RP1L1: variants seen among roughly 807,000 people sequenced by gnomAD.
RP1L1 encodes the protein retinitis pigmentosa 1-like 1 protein.
A neutral mutation model predicts 15.7 loss-of-function variants in RP1L1; 27 were observed. That is an observed-to-expected ratio of 1.72 (90% confidence interval 1.27 to 2.38). The LOEUF (loss-of-function observed/expected upper bound fraction) is 2.38, where lower values mean the gene tolerates loss of function less well. Among genes scored for constraint, RP1L1 ranks in the 30% most tolerant of loss-of-function variants. RP1L1 has a pLI of 0.00. For synonymous variants in RP1L1, 1,813 were observed against 1,276.7 expected, an observed-to-expected ratio of 1.42 and a Z score of -8.96; for missense variants, 4,798 against 3,075.9, an observed-to-expected ratio of 1.56 and a Z score of -13.24.
intron 3 of RP1L1, among the ~76,000 whole-genome samples, chr8:10,614,986 C>G (rs893805899): frequency 2.6e-5 from 4 of 152,228 alleles, no homozygotes; most frequent in African/African-American, 9.6e-5. Context: ...AAGGGTAGGG[C>G]TAGCAGAGGC....
At chr8:10,641,324 A>C (rs1050912870) in intron 1 of RP1L1, among the ~76,000 whole-genome samples, 2 of 152,210 alleles carry the variant, frequency 1.3e-5, no homozygotes, top group Non-Finnish European at 1.5e-5. Context: ...TCCTGGAGTC[A>C]CCATCTACAA....
chr8:10,613,038 C>A lies in RP1L1; in HGVS notation c.1060G>T (p.Gly354Trp). ...ACCTCCCCCAGAACGGGGTCTTCCC[C>A]ACTGGCTGCCGTGAGGGCGCTGGCC... The part of the protein sequence containing the change: ...GRASALTAAS[G>W]EDPVLGEVDP... Residue 354 changes from glycine to tryptophan, a missense_variant, in exon 4 of 4, where the codon GGG becomes TGG. Coordinates refer to ENST00000382483, the MANE Select transcript of RP1L1 (RefSeq NM_178857.6). 6.2e-7 allele frequency: 1 copy of A among 1,613,576 alleles called. No homozygotes were observed. The highest frequency in any genetic ancestry group is 8.5e-7 in the Non-Finnish European group (1 of 1,180,012).
intron 2 of RP1L1, among the ~76,000 whole-genome samples, chr8:10,619,988 G>A (rs965206029): frequency 1.3e-5 from 2 of 149,000 alleles, no homozygotes; most frequent in Non-Finnish European, 3.0e-5. Flanking sequence ...AAAAGATGTT[G>A]AGAGAGGATT....
At chr8:10,631,685 T>C (rs902955569) in intron 1 of RP1L1, among the ~76,000 whole-genome samples, 1 of 152,184 alleles carries the variant, frequency 6.6e-6, no homozygotes, top group African/African-American at 2.4e-5. Context: ...AGGCTGGAGC[T>C]GGCTCTCAGA....
At chr8:10,633,413 C>A (rs576242587) in intron 1 of RP1L1, among the ~76,000 whole-genome samples, 5 of 151,686 alleles carry the variant, frequency 3.3e-5, no homozygotes, top group South Asian at 2.1e-4. Context: ...GGGACCGGGG[C>A]AGACAGGGAT....
rs373982428 is a variant in RP1L1, at chr8:10,607,391, T to G, written c.6707A>C (p.Glu2236Ala). The change falls in exon 4 of 4, where the codon GAG becomes GCG. Residue 2236 changes from glutamate (E) to alanine (A), a missense_variant. By Grantham distance (107) the Glu-to-Ala change is moderately radical. Transcript: ENST00000382483. ...TTCTCCTTCTGACTCTGGCTGGGCC[T>G]CCCCTTCAGCCTCCGGGGTCTCTAC... ...EGVETPEAEGEAQPESEGETQ... is the reference protein window; with the variant it reads ...EGVETPEAEGAAQPESEGETQ... 1.9e-6 allele frequency: 3 copies of G among 1,605,534 alleles called. No homozygotes were observed. The African/African-American group carries it at 4.0e-5, about 22-fold the overall frequency.
At chr8:10,614,165 G>C (rs1797927214) in intron 3 of RP1L1, among the ~76,000 whole-genome samples, 1 of 152,080 alleles carries the variant, frequency 6.6e-6, no homozygotes, top group African/African-American at 2.4e-5. Flanking sequence ...ATAAACTGCT[G>C]CATATGACCC....
At chr8:10,620,813 G>A (rs1166140132) in intron 2 of RP1L1, among the ~76,000 whole-genome samples, 2 of 152,212 alleles carry the variant, frequency 1.3e-5, no homozygotes, top group Middle Eastern at 3.2e-3. Context: ...TACCCATGCA[G>A]CCCATTGGCT....
At position 10,610,097 on chromosome 8, in the gene RP1L1, T is replaced by G. The variant is rs769132132; in HGVS notation, c.4001A>C (p.Glu1334Ala). ...TTTAGTTTCCTCTAACTGCACCCCC[T>G]CTTCTTGCAGCCCTTCTTCTGTTTT... is the stretch of plus-strand genomic sequence containing the variant. ...ETKTEEGLQE[E>A]GVQLEETKET... The change falls in exon 4 of 4, where the codon GAG (glutamate) becomes GCG (alanine). Residue 1334 changes from glutamate to alanine, a missense_variant. Transcript: ENST00000382483. 5.4e-6 allele frequency: 8 copies of G among 1,477,834 alleles called. 2 individuals carry two copies. The highest frequency in any genetic ancestry group is 1.2e-5 in the South Asian group (1 of 80,852). 91.5% of individuals were successfully genotyped at this position (1,477,834 alleles called of 1,614,324 possible). A position where few individuals can be genotyped will look rare whatever the true frequency, so the allele number is the denominator to read the frequency against.
At chr8:10,652,488 C>T (rs1798577373) in intron 1 of RP1L1, among the ~76,000 whole-genome samples, 1 of 152,136 alleles carries the variant, frequency 6.6e-6, no homozygotes, top group African/African-American at 2.4e-5. Context: ...AATATTCCTT[C>T]CTGCTGGGTA....
intron 1 of RP1L1, among the ~76,000 whole-genome samples, chr8:10,647,861 G>A (rs1798502024): frequency 6.6e-6 from 1 of 152,212 alleles, no homozygotes; most frequent in African/African-American, 2.4e-5. Flanking sequence ...ATACCTAGAA[G>A]AGGAATTGCT....
At chr8:10,647,793 C>G (rs1798501072) in intron 1 of RP1L1, among the ~76,000 whole-genome samples, 1 of 152,202 alleles carries the variant, frequency 6.6e-6, no homozygotes, top group Middle Eastern at 3.2e-3. Context: ...AATAATGCTG[C>G]CATGAACAAG....
In RP1L1 at chr8:10,610,967, T is replaced by G; in HGVS notation, c.3131A>C (p.Gln1044Pro). The G allele has an allele frequency of 6.2e-7, 1 of 1,612,278 alleles. No homozygotes were observed. The change falls in exon 4 of 4, where the codon CAA becomes CCA. Residue 1044 changes from glutamine (Q) to proline (P), a missense_variant. Gln to Pro is a moderately conservative substitution (Grantham distance 76). Coordinates refer to ENST00000382483, the MANE Select transcript of RP1L1 (RefSeq NM_178857.6). ...TGPQSGEGVP[Q>P]GAAPEGVSEA... ...GGAAACTCCCTCTGGAGCTGCCCCT[T>G]GGGGGACACCCTCTCCTGATTGGGG... is the stretch of plus-strand genomic sequence containing the variant.
chr8:10,611,794 G>A lies in RP1L1; in HGVS notation c.2304C>T (p.Ser768=). The change falls in exon 4 of 4, where the codon TCC becomes TCT. Residue 768 remains serine (S), a synonymous_variant. Coordinates refer to ENST00000382483, the MANE Select transcript of RP1L1 (RefSeq NM_178857.6). ...PSAGWAGDAG[S]RTCSPAPIPP... is the part of the protein sequence containing the mutation. The stretch of plus-strand genomic sequence containing the variant: ...GTATGGGGGCCGGCGAGCATGTCCT[G>A]GACCCCGCGTCCCCTGCCCACCCGG... The A allele has an allele frequency of 3.1e-6, 5 of 1,613,664 alleles. No individual in the cohort carries two copies. Among genetic ancestry groups the A allele is most frequent in the Non-Finnish European group, 3.4e-6 (4 of 1,180,014 alleles).
Position 10,611,660 on chromosome 8 carries a change from G to A in RP1L1, c.2438C>T (p.Pro813Leu). The stretch of plus-strand genomic sequence containing the variant: ...GTGGGGGCCCACCGCCCCTTGCTCA[G>A]GCCGTCCAACCTGCAGAACCAAGGG... ...SSPLVLQVGRPEQGAVGPHRS... is the reference protein window; with the variant it reads ...SSPLVLQVGRLEQGAVGPHRS... The change falls in exon 4 of 4, where the codon CCT becomes CTT. Residue 813 changes from proline to leucine, a missense_variant. Transcript: ENST00000382483. 1 of 1,613,204 alleles carries A rather than the reference G, an allele frequency of 6.2e-7. No homozygotes were observed. The highest frequency in any genetic ancestry group is 2.2e-5 in the East Asian group (1 of 44,872).
chr8:10,647,814 A>G lies in RP1L1; in HGVS notation c.-20+7084T>C, dbSNP rs2117266431. Among the ~76,000 whole-genome samples the G allele has an allele frequency of 2.0e-5, 3 of 152,362 alleles. 1 individual carries two copies. In the Middle Eastern group the frequency reaches 0.01, roughly 518 times the overall value. On this transcript the variant is annotated intron_variant, in intron 1 of 3. Coordinates refer to ENST00000382483, the MANE Select transcript of RP1L1 (RefSeq NM_178857.6). ...GCTGCCATGAACAAGATGTACAAAC[A>G]GCTTTTCAAGACCCTGTTTTCAATT...
At position 10,612,241 on chromosome 8, in the gene RP1L1, C is replaced by G. The variant is rs781554433; in HGVS notation, c.1857G>C (p.Trp619Cys). ...EPLVLGLSCSWDSEGASSTPS... is the reference protein window; with the variant it reads ...EPLVLGLSCSCDSEGASSTPS... ...GGGTGGAAGAGGCTCCTTCCGAGTCCCAGGAGCAGGAAAGGCCCAGAACCA... is the reference window on the plus strand; with the variant it reads ...GGGTGGAAGAGGCTCCTTCCGAGTCGCAGGAGCAGGAAAGGCCCAGAACCA... The change falls in exon 4 of 4, where the codon TGG (tryptophan) becomes TGC (cysteine). Residue 619 changes from tryptophan (W) to cysteine (C), a missense_variant. Trp to Cys is a radical substitution (Grantham distance 215, BLOSUM62 -2). Transcript: ENST00000382483. 5.6e-6 allele frequency: 9 copies of G among 1,613,218 alleles called. No individual in the cohort carries two copies. In the East Asian group the frequency reaches 1.6e-4, roughly 28 times the overall value.
intron 3 of RP1L1, among the ~76,000 whole-genome samples, chr8:10,613,767 A>G (rs1230419428): frequency 6.6e-6 from 1 of 151,904 alleles, no homozygotes; most frequent in Non-Finnish European, 1.5e-5. Context: ...TCCAGCCTGG[A>G]TGACAGAGCA....
At chr8:10,618,130 T>A (rs1798000466) in intron 2 of RP1L1, among the ~76,000 whole-genome samples, 2 of 152,330 alleles carry the variant, frequency 1.3e-5, no homozygotes, top group Middle Eastern at 3.4e-3. Flanking sequence ...GCTCTCTCAT[T>A]GGCCAGCCAT....
Sources: allele counts gnomAD v4.1 joint callset (sites outside exome capture counted in the v4.1 genomes callset), GRCh38; gene constraint gnomAD v4.1.1; transcripts MANE v1.5; gene names NCBI Gene and HGNC (gene_info 2026-07-23, HGNC 2026-07-21).